The following WDR7 variants were observed in gnomAD, a reference collection of about 807,000 sequenced individuals.
The protein encoded by WDR7 is WD repeat-containing protein 7.
Under a neutral mutation model 169.4 loss-of-function variants are expected in WDR7, and 46 were observed. That is an observed-to-expected ratio of 0.27 (90% CI 0.21 to 0.35). The LOEUF (loss-of-function observed/expected upper bound fraction) is 0.35. Ranked by LOEUF, WDR7 falls within the 10% of genes least tolerant of loss-of-function variation. WDR7 has a pLI of 1.00. For missense variants in WDR7, 1,534 were observed against 1,859.3 expected (o/e 0.83, Z 3.22); for synonymous variants, 612 against 666.8 (o/e 0.92, Z 1.27).
chr18:56,926,067 G>A (rs1392955800), intron 22 of WDR7, among the ~76,000 whole-genome samples: 2 of 152,320 alleles, frequency 1.3e-5, no homozygotes, highest in Non-Finnish European at 2.9e-5. Flanking sequence ...TTAGGTCCTT[G>A]TATTCAGCAG....
chr18:57,030,890 A>G (rs1357257361), downstream of WDR7: 1 of 152,172 alleles, frequency 6.6e-6, no homozygotes, highest in Non-Finnish European at 1.5e-5. Flanking sequence ...AAAAAAAAAA[A>G]AAAAAGGACT....
chr18:56,776,424 T>G (rs2044243282), intron 16 of WDR7, among the ~76,000 whole-genome samples: 1 of 152,196 alleles, frequency 6.6e-6, no homozygotes, highest in East Asian at 1.9e-4. Flanking sequence ...ATAAAGCTTT[T>G]TCATCGTGAT....
intron 14 of WDR7, among the ~76,000 whole-genome samples, chr18:56,745,614 G>T (rs1425523206): frequency 2.0e-5 from 3 of 152,132 alleles, no homozygotes; most frequent in Admixed American, 2.0e-4. Flanking sequence ...ATGCTCACTT[G>T]CCCGCCGCTC....
At chr18:56,956,212 G>A (rs971865818) in intron 25 of WDR7, among the ~76,000 whole-genome samples, 4 of 152,104 alleles carry the variant, frequency 2.6e-5, no homozygotes, top group Non-Finnish European at 5.9e-5. Flanking sequence ...CTCTCCACAG[G>A]AATGATGCAT....
intron 12 of WDR7, among the ~76,000 whole-genome samples, chr18:56,708,277 G>A (rs1176753273): frequency 1.3e-5 from 2 of 151,942 alleles, no homozygotes; most frequent in African/African-American, 4.8e-5. Context: ...CTAGTGATCT[G>A]CCCACATCGG....
intron 7 of WDR7, among the ~76,000 whole-genome samples, chr18:56,689,264 T>C (rs149911217): frequency 2.1e-3 from 313 of 152,276 alleles, no homozygotes; most frequent in African/African-American, 7.2e-3. Flanking sequence ...TTATTTTTAA[T>C]TTTGTCTGTT....
At chr18:56,900,771 G>A (rs890662269) in intron 21 of WDR7, among the ~76,000 whole-genome samples, 1 of 152,176 alleles carries the variant, frequency 6.6e-6, no homozygotes, top group African/African-American at 2.4e-5. Context: ...TAGAGCTGAT[G>A]GGCTGGTCCA....
chr18:56,962,245 A>C (rs2047348159), intron 25 of WDR7, among the ~76,000 whole-genome samples, 185 bp from the exon 26 acceptor site: 1 of 152,074 alleles, frequency 6.6e-6, no homozygotes, highest in Admixed American at 6.6e-5. Flanking sequence ...CTTTCAGCTA[A>C]TTTTCAAGAA....
intron 1 of WDR7, among the ~76,000 whole-genome samples, chr18:56,665,648 A>G (rs2025004293): frequency 6.6e-6 from 1 of 152,202 alleles, no homozygotes; most frequent in African/African-American, 2.4e-5. Flanking sequence ...TGGACATTGA[A>G]GTTCTTTCCA....
chr18:56,700,252 CTTTTTTTTTTTTTTTTT>C (rs1226348026), intron 12 of WDR7, among the ~76,000 whole-genome samples: 1 of 67,238 alleles, frequency 1.5e-5, no homozygotes, highest in Non-Finnish European at 2.5e-5. Context: ...TTTTCATTTT[CTTTTTTTTTTTTTTTTT>C]TTTTTTGAGA....
At position 56,757,132 on chromosome 18, in the gene WDR7, A is replaced by C. The variant is rs778309174; in HGVS notation, c.2539A>C (p.Met847Leu). 1.1e-5 allele frequency: 18 copies of C among 1,613,976 alleles called. No homozygotes were observed. Among genetic ancestry groups the C allele is most frequent in the Non-Finnish European group, 1.4e-5 (17 of 1,180,012 alleles). The change falls in exon 15 of 28, where the codon ATG becomes CTG. Residue 847 changes from methionine (M) to leucine (L), a missense_variant. Met to Leu is a conservative substitution (Grantham distance 15, BLOSUM62 2). Transcript: ENST00000254442. ...GTCAAGAGGAGGCCATATGTCACTG[A>C]TGCTGCCGGGTTATAATCAGCCTGC... Reference protein sequence around the residue: ...LLSRGGHMSLMLPGYNQPACK... With the variant: ...LLSRGGHMSLLLPGYNQPACK...
intron 13 of WDR7, among the ~76,000 whole-genome samples, chr18:56,719,338 C>T (rs907982396): frequency 6.6e-6 from 1 of 151,894 alleles, no homozygotes; most frequent in Non-Finnish European, 1.5e-5. Flanking sequence ...CCGAGACGGG[C>T]GGATCACGAG....
intron 7 of WDR7, among the ~76,000 whole-genome samples, chr18:56,688,620 T>C (rs1425842606): frequency 4.6e-5 from 7 of 151,068 alleles, no homozygotes; most frequent in Non-Finnish European, 1.0e-4. Context: ...TCCCAGCTAC[T>C]TGGGAGACTG....
chr18:56,745,393 C>T (rs146865924), intron 14 of WDR7, among the ~76,000 whole-genome samples: 334 of 152,292 alleles, frequency 2.2e-3, no homozygotes, highest in African/African-American at 7.4e-3. Context: ...CAGAACAGCA[C>T]GCCCCAACCT....
intron 21 of WDR7, 131 bp downstream of exon 21, chr18:56,880,296 T>A: frequency 1.2e-6 from 1 of 834,682 alleles, no homozygotes; most frequent in Non-Finnish European, 1.9e-6. Flanking sequence ...TAGAAAGCAG[T>A]ACAATCTGGC....
chr18:56,939,700 T>C (rs1271048044), intron 25 of WDR7, among the ~76,000 whole-genome samples: 2 of 152,118 alleles, frequency 1.3e-5, no homozygotes, highest in Admixed American at 1.3e-4. Flanking sequence ...CATTATACAA[T>C]TGAGTTAGGA....
chr18:56,999,104 A>G (rs146267187), intron 26 of WDR7, among the ~76,000 whole-genome samples: 44 of 152,316 alleles, frequency 2.9e-4, no homozygotes, highest in African/African-American at 8.7e-4. Flanking sequence ...TCGCAAATAT[A>G]GTGTGAAGAA....
intron 26 of WDR7, among the ~76,000 whole-genome samples, chr18:57,017,477 CTGTGTGTGTG>C (rs57440164): frequency 0.013 from 1,704 of 134,784 alleles, 8 homozygotes; most frequent in Middle Eastern, 0.03. Flanking sequence ...CCAAGTCATG[CTGTGTGTGTG>C]TGTGTGTGTG....
In WDR7 at chr18:56,828,530, C is replaced by T. The variant is rs770911003; in HGVS notation, c.3304+12386C>T. Reference sequence around the variant, plus strand: ...CATGTTTGAAAAATAATAGACAAGACGGATATGGTCCATGGAGAAAGATAC... The same window carrying T: ...CATGTTTGAAAAATAATAGACAAGATGGATATGGTCCATGGAGAAAGATAC... On this transcript the variant is annotated intron_variant, in intron 20 of 27. Transcript: ENST00000254442. 6.6e-5 allele frequency among the ~76,000 whole-genome samples: 10 copies of T among 152,016 alleles called. No homozygotes were observed. In the South Asian group the frequency reaches 8.3e-4, roughly 13 times the overall value.
Sources: gnomAD v4.1 joint callset for allele counts (sites outside exome capture counted in the v4.1 genomes callset) on GRCh38, gnomAD v4.1.1 for gene constraint, MANE v1.5 for transcripts, NCBI Gene and HGNC (gene_info 2026-07-23, HGNC 2026-07-21) for gene names.